Variants in GPR137 observed in about 807,000 individuals in gnomAD.
GPR137 encodes the protein G protein-coupled receptor 137.
Under a neutral mutation model 38.9 loss-of-function variants are expected in GPR137, and 20 were observed. The ratio of observed to expected loss-of-function variants is 0.51; its 90% confidence interval spans 0.36 to 0.75. The LOEUF (loss-of-function observed/expected upper bound fraction) is 0.75, where lower values mean the gene tolerates loss of function less well. Among genes scored for constraint, GPR137 ranks in the 30% least tolerant of loss-of-function variants. The pLI is 0.00. For synonymous variants in GPR137, 226 were observed against 235.8 expected (o/e 0.96, Z 0.38); for missense variants, 456 against 526.4 (o/e 0.87, Z 1.31).
At chr11:64,287,304 T>C (rs1481345235) in intron 2 of GPR137, 8 of 985,266 alleles carry the variant, frequency 8.1e-6, no homozygotes, top group Non-Finnish European at 9.6e-6. Flanking sequence ...CAAAGCCATA[T>C]GCACTCCTGG....
Position 64,285,955 on chromosome 11 carries a change from C to G in GPR137, c.-570C>G. 1 of 956,166 alleles carries G rather than the reference C, an allele frequency of 1.0e-6. No homozygotes were observed. Among genetic ancestry groups the G allele is most frequent in the Non-Finnish European group, 1.2e-6 (1 of 803,420 alleles). 59.2% of individuals were successfully genotyped at this position (956,166 alleles called of 1,614,324 possible). A position where few individuals can be genotyped will look rare whatever the true frequency, so the allele number is the denominator to read the frequency against. ...GTCCGCCTCCTCCCTCCCCTTGAGG[C>G]TGGAGCGTGGACGCGGTGGGGGAGG... is the stretch of plus-strand genomic sequence containing the variant. On this transcript the variant is annotated 5_prime_UTR_variant, in exon 1 of 7. Transcript: ENST00000438980.
upstream of GPR137, chr11:64,271,548 A>C (rs963602931): frequency 8.1e-6 from 11 of 1,362,556 alleles, no homozygotes; most frequent in Admixed American, 3.4e-5. Flanking sequence ...GGGACAAGGC[A>C]GGGACAGACC....
chr11:64,287,626 A>C, intron 2 of GPR137, 95 bp from the exon 3 acceptor site: 1 of 1,571,284 alleles, frequency 6.4e-7, no homozygotes, highest in Non-Finnish European at 8.6e-7. Flanking sequence ...GGATGCCCTG[A>C]GTTTTGTCGA....
Position 64,288,366 on chromosome 11 carries a change from C to G in GPR137, c.810C>G (p.Asn270Lys). The change falls in exon 5 of 7, where the codon AAC (asparagine) becomes AAG (lysine). Residue 270 changes from asparagine to lysine, a missense_variant. Asn to Lys is a moderately conservative substitution (Grantham distance 94). Coordinates refer to ENST00000438980, the MANE Select transcript of GPR137 (RefSeq NM_001170880.2). This position sits in a 1 kb window ranked among gnomAD's most constrained non-coding sequence, Gnocchi z 5.5. Reference sequence around the variant, plus strand: ...CGGACCTGGTGAATGACCTGGGGAACAAAGGCTACCTGGTATTTGGCCTCA... The same window carrying G: ...CGGACCTGGTGAATGACCTGGGGAAGAAAGGCTACCTGGTATTTGGCCTCA... ...DQADLVNDLG[N>K]KGYLVFGLIL... 6.2e-7 allele frequency: 1 copy of G among 1,613,954 alleles called. No individual in the cohort carries two copies. Among genetic ancestry groups the G allele is most frequent in the Non-Finnish European group, 8.5e-7 (1 of 1,180,014 alleles).
At position 64,288,776 on chromosome 11, in the gene GPR137, CTCCA is replaced by C; in HGVS notation, c.1031+58_1031+61del. 1 of 815,034 alleles carries C rather than the reference CTCCA, an allele frequency of 1.2e-6. No individual in the cohort carries two copies. Among genetic ancestry groups the C allele is most frequent in the Non-Finnish European group, 1.9e-6 (1 of 537,048 alleles). The allele number at this position is 815,034 out of a possible 1,614,324, so 50.5% of individuals were successfully genotyped here. On this transcript the variant is annotated intron_variant, in intron 6 of 6. Transcript: ENST00000438980. The surrounding 1 kb of genome is among the most constrained non-coding windows in gnomAD (Gnocchi z 5.5). ...CTGCCCTACCCGCCCACCCCGCTGG[CTCCA>C]TCAAGCTATGGGGGACCGAGATAGC... is the stretch of plus-strand genomic sequence containing the variant.
intron 2 of GPR137, among the ~76,000 whole-genome samples, chr11:64,278,845 G>A (rs1383165802): frequency 6.6e-6 from 1 of 152,232 alleles, no homozygotes; most frequent in Non-Finnish European, 1.5e-5. Flanking sequence ...GAGTTGCTCT[G>A]CGCAGGTAGA....
intron 1 of GPR137, among the ~76,000 whole-genome samples, chr11:64,275,910 G>A (rs1283992144): frequency 6.6e-6 from 1 of 152,094 alleles, no homozygotes; most frequent in Non-Finnish European, 1.5e-5. Flanking sequence ...TATCAGGGAG[G>A]TTCCTCATGG....
upstream of GPR137, among the ~76,000 whole-genome samples, chr11:64,283,794 C>T (rs900078394): frequency 1.5e-4 from 22 of 150,764 alleles, no homozygotes; most frequent in African/African-American, 5.1e-4. Flanking sequence ...CTAATAGCTG[C>T]TATATATATA....
upstream of GPR137, chr11:64,271,747 C>T (rs368660221): frequency 1.3e-4 from 182 of 1,450,570 alleles, 1 homozygote; most frequent in Non-Finnish European, 1.6e-4. Flanking sequence ...CCTTCGTCGT[C>T]CTCCGTCCCC....
At chr11:64,281,440 C>T (rs477895), upstream of GPR137, among the ~76,000 whole-genome samples, 112,643 of 152,156 alleles carry the variant, frequency 0.74, 43,447 homozygotes, top group Non-Finnish European at 0.84. Flanking sequence ...ACCATGCTGC[C>T]TCTGCTCAAA....
upstream of GPR137, among the ~76,000 whole-genome samples, chr11:64,273,328 G>C (rs539953177): frequency 1.4e-3 from 212 of 152,212 alleles, no homozygotes; most frequent in African/African-American, 4.5e-3. Context: ...AGCCGAGATT[G>C]TGCCACTGCA....
In GPR137 at chr11:64,289,302, C is replaced by T. The variant is rs770421473; in HGVS notation, c.*106C>T. 6.2e-7 allele frequency: 1 copy of T among 1,612,762 alleles called. No homozygotes were observed. The highest frequency in any genetic ancestry group is 8.5e-7 in the Non-Finnish European group (1 of 1,179,606). On this transcript the variant is annotated 3_prime_UTR_variant, in exon 7 of 7. Coordinates refer to ENST00000438980, the MANE Select transcript of GPR137 (RefSeq NM_001170880.2). Reference sequence around the variant, plus strand: ...TTGCCCAGGATCCTGGGGGTCGTGGCTACCCCCTCCTCTGGCCGGCTCCTT... The same window carrying T: ...TTGCCCAGGATCCTGGGGGTCGTGGTTACCCCCTCCTCTGGCCGGCTCCTT...
chr11:64,289,229 C>T lies in GPR137; in HGVS notation c.*33C>T. 1 of 1,610,438 alleles carries T rather than the reference C, an allele frequency of 6.2e-7. No homozygotes were observed. The highest frequency in any genetic ancestry group is 1.1e-5 in the South Asian group (1 of 91,022). On this transcript the variant is annotated 3_prime_UTR_variant, in exon 7 of 7. Coordinates refer to ENST00000438980, the MANE Select transcript of GPR137 (RefSeq NM_001170880.2). ...CCCTCCCCCACAGAATACCCAGGCC[C>T]CAGTCCCCCTCACCCTAGGCCCCTG...
At chr11:64,282,873 C>T (rs1357173227), upstream of GPR137, among the ~76,000 whole-genome samples, 3 of 144,614 alleles carry the variant, frequency 2.1e-5, no homozygotes, top group South Asian at 4.4e-4. Flanking sequence ...AGTGAGACTC[C>T]GTCTCAGGAA....
upstream of GPR137, among the ~76,000 whole-genome samples, chr11:64,280,512 C>A (rs1272298852): frequency 2.7e-5 from 4 of 148,232 alleles, no homozygotes; most frequent in Non-Finnish European, 6.0e-5. Flanking sequence ...CCACCACGCC[C>A]GGCTAATTTT....
Position 64,288,975 on chromosome 11 carries a change from G to T in GPR137, c.1032-62G>T. On this transcript the variant is annotated intron_variant, in intron 6 of 6. Coordinates refer to ENST00000438980, the MANE Select transcript of GPR137 (RefSeq NM_001170880.2). The surrounding 1 kb of genome is among the most constrained non-coding windows in gnomAD (Gnocchi z 5.5). The stretch of plus-strand genomic sequence containing the variant: ...TCTGTTCTAAGCCTGTCTTCCTCCT[G>T]CAGCTCTTGTGACTGTGGCCCTGGT... 1 of 1,466,622 alleles carries T rather than the reference G, an allele frequency of 6.8e-7. No individual in the cohort carries two copies. 90.9% of individuals were successfully genotyped at this position (1,466,622 alleles called of 1,614,324 possible).
intron 2 of GPR137, 146 bp from the exon 3 acceptor site, chr11:64,287,575 A>T (rs1046407784): frequency 5.6e-6 from 8 of 1,440,756 alleles, no homozygotes; most frequent in Non-Finnish European, 3.7e-6. Context: ...TTTGGGCCTC[A>T]GTTTCTCCAT....
chr11:64,276,293 T>C (rs2033051490), intron 1 of GPR137: 2 of 82,056 alleles, frequency 2.4e-5, no homozygotes, highest in African/African-American at 3.3e-5. Context: ...TGTGTGTGTA[T>C]ATATTTGTGT....
At chr11:64,275,889 T>G (rs542651011) in intron 1 of GPR137, 1 of 152,068 alleles carries the variant, frequency 6.6e-6, no homozygotes, top group East Asian at 1.9e-4. Flanking sequence ...CATTTGATCC[T>G]TGCCACACCC....
Sources: gnomAD v4.1 joint callset for allele counts (sites outside exome capture counted in the v4.1 genomes callset) on GRCh38, gnomAD v4.1.1 for gene constraint, Gnocchi (gnomAD v3.1) non-coding constraint, MANE v1.5 for transcripts, NCBI Gene and HGNC (gene_info 2026-07-23, HGNC 2026-07-21) for gene names.